The following POMC variants were observed in gnomAD, a reference collection of about 807,000 sequenced individuals.
POMC encodes the protein proopiomelanocortin.
Under a neutral mutation model 18.5 loss-of-function variants are expected in POMC, and 19 were observed. That is an observed-to-expected ratio of 1.03 (90% CI 0.72 to 1.51). The LOEUF (loss-of-function observed/expected upper bound fraction) is 1.51, where lower values mean the gene tolerates loss of function less well. POMC is among the 40% of genes most tolerant of loss of function. The probability of loss-of-function intolerance (pLI) is 0.00; values close to 1 mark genes in which losing one functional copy is unlikely to be tolerated. For synonymous variants in POMC, 179 were observed against 161.9 expected (o/e 1.11, Z -0.80); for missense variants, 451 against 379.0 (o/e 1.19, Z -1.58).
chr2:25,162,332 C>T (rs1671421433), intron 2 of POMC, among the ~76,000 whole-genome samples: 1 of 152,096 alleles, frequency 6.6e-6, no homozygotes, highest in Non-Finnish European at 1.5e-5. Context: ...CGCCTGTAAT[C>T]CCAGCTACTC....
intron 2 of POMC, among the ~76,000 whole-genome samples, chr2:25,162,750 C>T (rs535108081): frequency 6.6e-6 from 1 of 152,282 alleles, no homozygotes; most frequent in Non-Finnish European, 1.5e-5. Flanking sequence ...AATAATGCCT[C>T]AACCTTACCT....
rs1356537219 is a variant in POMC at position 25,168,304 on chromosome 2, G to C, written c.-21+194C>G. On this transcript the variant is annotated intron_variant, in intron 1 of 2. Transcript: ENST00000395826. This position sits in a 1 kb window ranked among gnomAD's most constrained non-coding sequence, Gnocchi z 5.2. ...GCGGCCGTCCGCCCAGGGGCCGGAC[G>C]TGGGCCCTCCAGCTCAGCTACTGGC... Among the ~76,000 whole-genome samples, 1 of 152,224 alleles carries C rather than the reference G, an allele frequency of 6.6e-6. No individual in the cohort carries two copies. Among genetic ancestry groups the C allele is most frequent in the South Asian group, 2.1e-4 (1 of 4,830 alleles).
chr2:25,165,915 A>C (rs1671539177), intron 1 of POMC, among the ~76,000 whole-genome samples: 1 of 152,254 alleles, frequency 6.6e-6, no homozygotes, highest in African/African-American at 2.4e-5. Context: ...GCTAGAAAGA[A>C]ATGTAATTAG....
At position 25,161,169 on chromosome 2, in the gene POMC, C is replaced by T. The variant is rs1671338497; in HGVS notation, c.716G>A (p.Gly239Asp). 1.9e-6 allele frequency: 3 copies of T among 1,613,944 alleles called. No homozygotes were observed. The highest frequency in any genetic ancestry group is 2.5e-6 in the Non-Finnish European group (3 of 1,180,006). The change falls in exon 3 of 3, where the codon GGT becomes GAT. Residue 239 changes from glycine to aspartate, a missense_variant. Transcript: ENST00000395826. The surrounding 1 kb of genome is among the most constrained non-coding windows in gnomAD (Gnocchi z 5.7). ...GSPPKDKRYG[G>D]FMTSEKSQTP... ...CTGGCTCTTCTCGGAGGTCATGAAA[C>T]CGCCGTAGCGCTTGTCCTTGGGCGG...
chr2:25,166,172 G>C (rs151301263), intron 1 of POMC, among the ~76,000 whole-genome samples: 1 of 152,200 alleles, frequency 6.6e-6, no homozygotes, highest in Non-Finnish European at 1.5e-5. Context: ...GGGCCTGCAC[G>C]GTGCTAGCTT....
rs1671381733 is a variant in POMC, at chr2:25,161,609, G to GCCGCTGCTGCTC, written c.275_276insGAGCAGCAGCGG (p.Ser92delinsArgSerSerSerGly). ...CTGCGCCGCTGCTGCCGCTGCTGCT[G>GCCGCTGCTGCTC]CTGTTGCGGCGGCCGAATCGGTCCC... On this transcript the variant is annotated protein_altering_variant, in exon 3 of 3. Transcript: ENST00000395826. This position sits in a 1 kb window ranked among gnomAD's most constrained non-coding sequence, Gnocchi z 5.7. The GCCGCTGCTGCTC allele has an allele frequency of 6.4e-7, 1 of 1,555,688 alleles. No homozygotes were observed. The highest frequency in any genetic ancestry group is 1.4e-5 in the African/African-American group (1 of 73,252).
chr2:25,161,905 A>G lies in POMC; in HGVS notation c.133-153T>C, dbSNP rs924268445. On this transcript the variant is annotated intron_variant, in intron 2 of 2. Transcript: ENST00000395826. This position sits in a 1 kb window ranked among gnomAD's most constrained non-coding sequence, Gnocchi z 5.7. ...GCGTGTCAAGCGTCGAGGCCTCCCT[A>G]CAGAGCAGGTCTGCCCACCTGCTTT... 2.6e-5 allele frequency among the ~76,000 whole-genome samples: 4 copies of G among 152,150 alleles called. No individual in the cohort carries two copies. The highest frequency in any genetic ancestry group is 5.9e-5 in the Non-Finnish European group (4 of 68,014).
At position 25,161,570 on chromosome 2, in the gene POMC, C is replaced by T. The variant is rs1310617352; in HGVS notation, c.315G>A (p.Glu105=). ...SGSSGAGQKR[E]DVSAGEDCGP... ...CGCAGTCTTCGCCCGCTGAGACGTC[C>T]TCGCGCTTCTGCCCTGCGCCGCTGC... The change falls in exon 3 of 3, where the codon GAG becomes GAA. Residue 105 remains glutamate (E), a synonymous_variant. Coordinates refer to ENST00000395826, the MANE Select transcript of POMC (RefSeq NM_000939.4). This position sits in a 1 kb window ranked among gnomAD's most constrained non-coding sequence, Gnocchi z 5.7. The T allele has an allele frequency of 6.4e-7, 1 of 1,563,910 alleles. No individual in the cohort carries two copies. Among genetic ancestry groups the T allele is most frequent in the Non-Finnish European group, 8.7e-7 (1 of 1,154,602 alleles).
chr2:25,164,388 C>A (rs909828645), intron 2 of POMC, among the ~76,000 whole-genome samples: 9 of 152,122 alleles, frequency 5.9e-5, no homozygotes, highest in Admixed American at 2.6e-4. Flanking sequence ...TCAAGGTCTC[C>A]ATAAAAGATG....
In POMC at chr2:25,161,224, A is replaced by AG. The variant is rs1239841516; in HGVS notation, c.660dup (p.Tyr221LeufsTer94). 6.2e-7 allele frequency: 1 copy of AG among 1,612,254 alleles called. No homozygotes were observed. Among genetic ancestry groups the AG allele is most frequent in the Non-Finnish European group, 8.5e-7 (1 of 1,179,630 alleles). On this transcript the variant is annotated frameshift_variant, in exon 3 of 3. Coordinates refer to ENST00000395826, the MANE Select transcript of POMC (RefSeq NM_000939.4). LOFTEE classifies it high-confidence loss of function. This position sits in a 1 kb window ranked among gnomAD's most constrained non-coding sequence, Gnocchi z 5.7. ...CCCCAGCGGAAGTGCTCCATCCTGT[A>AG]GGGGCCCTCGTCCTTCTTCTCGGCC...
Position 25,168,293 on chromosome 2 carries a change from A to AGGGGCCGGACGT in POMC, c.-21+193_-21+204dup, listed in dbSNP as rs1432040931. Among the ~76,000 whole-genome samples, 5 of 152,094 alleles carry AGGGGCCGGACGT rather than the reference A, an allele frequency of 3.3e-5. No individual in the cohort carries two copies. The highest frequency in any genetic ancestry group is 7.4e-5 in the Non-Finnish European group (5 of 68,002). Reference sequence around the variant, plus strand: ...CCTGCAGCTTCGCGGCCGTCCGCCCAGGGGCCGGACGTGGGCCCTCCAGCT... The same window carrying AGGGGCCGGACGT: ...CCTGCAGCTTCGCGGCCGTCCGCCCAGGGGCCGGACGTGGGGCCGGACGTGGGCCCTCCAGCT... On this transcript the variant is annotated intron_variant, in intron 1 of 2. Coordinates refer to ENST00000395826, the MANE Select transcript of POMC (RefSeq NM_000939.4). The surrounding 1 kb of genome is among the most constrained non-coding windows in gnomAD (Gnocchi z 5.2).
chr2:25,161,472 G>C lies in POMC; in HGVS notation c.413C>G (p.Ser138Cys). The change falls in exon 3 of 3, where the codon TCC becomes TGC. Residue 138 changes from serine (S) to cysteine (C), a missense_variant. Ser to Cys is a moderately radical substitution (Grantham distance 112). Coordinates refer to ENST00000395826, the MANE Select transcript of POMC (RefSeq NM_000939.4). This position sits in a 1 kb window ranked among gnomAD's most constrained non-coding sequence, Gnocchi z 5.7. Reference protein sequence around the residue: ...AKPGPREGKRSYSMEHFRWGK... With the variant: ...AKPGPREGKRCYSMEHFRWGK... ...CCAGCGGAAGTGCTCCATGGAGTAGGAGCGCTTGCCCTCGCGCGGGCCCGG... is the reference window on the plus strand; with the variant it reads ...CCAGCGGAAGTGCTCCATGGAGTAGCAGCGCTTGCCCTCGCGCGGGCCCGG... The C allele has an allele frequency of 6.2e-7, 1 of 1,608,732 alleles. No homozygotes were observed. Among genetic ancestry groups the C allele is most frequent in the South Asian group, 1.1e-5 (1 of 90,384 alleles).
Position 25,161,611 on chromosome 2 carries a change from T to C in POMC, c.274A>G (p.Ser92Gly), listed in dbSNP as rs1197211855. The change falls in exon 3 of 3, where the codon AGC becomes GGC. Residue 92 changes from serine (S) to glycine (G), a missense_variant. Ser to Gly is a moderately conservative substitution (Grantham distance 56). Transcript: ENST00000395826. This position sits in a 1 kb window ranked among gnomAD's most constrained non-coding sequence, Gnocchi z 5.7. ...FRWDRFGRRN[S>G]SSSGSSGAGQ... ...GCGCCGCTGCTGCCGCTGCTGCTGC[T>C]GTTGCGGCGGCCGAATCGGTCCCAG... is the stretch of plus-strand genomic sequence containing the variant. 1 of 1,555,656 alleles carries C rather than the reference T, an allele frequency of 6.4e-7. No individual in the cohort carries two copies. Among genetic ancestry groups the C allele is most frequent in the Non-Finnish European group, 8.7e-7 (1 of 1,149,794 alleles).
chr2:25,165,426 A>G (rs1671521188), intron 1 of POMC, among the ~76,000 whole-genome samples: 1 of 152,178 alleles, frequency 6.6e-6, no homozygotes, highest in Non-Finnish European at 1.5e-5. Context: ...CCTGCACACA[A>G]ATTACTCTGG....
intron 2 of POMC, among the ~76,000 whole-genome samples, chr2:25,164,128 G>A (rs760596461): frequency 1.3e-5 from 2 of 149,714 alleles, no homozygotes; most frequent in Non-Finnish European, 3.0e-5. Flanking sequence ...ATAAACATGA[G>A]ACATTTGGCA....
Position 25,161,369 on chromosome 2 carries a change from G to T in POMC, c.516C>A (p.Phe172Leu), listed in dbSNP as rs770388153. The T allele has an allele frequency of 5.6e-6, 9 of 1,605,968 alleles. No homozygotes were observed. The highest frequency in any genetic ancestry group is 6.8e-6 in the Non-Finnish European group (8 of 1,176,670). Residue 172 changes from phenylalanine (F) to leucine (L), a missense_variant, in exon 3 of 3, where the codon TTC becomes TTA. Transcript: ENST00000395826. The surrounding 1 kb of genome is among the most constrained non-coding windows in gnomAD (Gnocchi z 5.7). Reference sequence around the variant, plus strand: ...TCAGCTCCCTCTTGAACTCCAGGGGGAAGGCCTCGGCCGACTCGTCCTCGG... The same window carrying T: ...TCAGCTCCCTCTTGAACTCCAGGGGTAAGGCCTCGGCCGACTCGTCCTCGG... ...NGAEDESAEA[F>L]PLEFKRELTG...
intron 2 of POMC, among the ~76,000 whole-genome samples, chr2:25,163,626 T>G (rs1034384977): frequency 1.3e-5 from 2 of 152,178 alleles, no homozygotes; most frequent in African/African-American, 4.8e-5. Context: ...GGGGTTTGTT[T>G]GTTTGTTTGT....
chr2:25,161,828 C>T lies in POMC; in HGVS notation c.133-76G>A. 1 of 1,491,182 alleles carries T rather than the reference C, an allele frequency of 6.7e-7. No homozygotes were observed. Among genetic ancestry groups the T allele is most frequent in the Non-Finnish European group, 8.9e-7 (1 of 1,125,118 alleles). The allele number at this position is 1,491,182 out of a possible 1,614,324, so 92.4% of individuals were successfully genotyped here. A position where few individuals can be genotyped will look rare whatever the true frequency, so the allele number is the denominator to read the frequency against. On this transcript the variant is annotated intron_variant, in intron 2 of 2. Coordinates refer to ENST00000395826, the MANE Select transcript of POMC (RefSeq NM_000939.4). This position sits in a 1 kb window ranked among gnomAD's most constrained non-coding sequence, Gnocchi z 5.7. ...CCGGCTGCCGCGCCCGTCACTGCGC[C>T]TAGGCCCTGGCCGCCCTCGCCACGT...
chr2:25,161,611 T>TGCTGCC lies in POMC; in HGVS notation c.273_274insGGCAGC (p.Asn91_Ser92insGlySer), dbSNP rs1381672936. On this transcript the variant is annotated inframe_insertion, in exon 3 of 3. Transcript: ENST00000395826. The surrounding 1 kb of genome is among the most constrained non-coding windows in gnomAD (Gnocchi z 5.7). ...GCGCCGCTGCTGCCGCTGCTGCTGC[T>TGCTGCC]GTTGCGGCGGCCGAATCGGTCCCAG... The TGCTGCC allele has an allele frequency of 2.6e-6, 4 of 1,555,542 alleles. No individual in the cohort carries two copies. The African/African-American group carries it at 5.5e-5, about 21-fold the overall frequency.
Sources: gnomAD v4.1 joint callset for allele counts (sites outside exome capture counted in the v4.1 genomes callset) on GRCh38, gnomAD v4.1.1 for gene constraint, Gnocchi (gnomAD v3.1) non-coding constraint, MANE v1.5 for transcripts, NCBI Gene and HGNC (gene_info 2026-07-23, HGNC 2026-07-21) for gene names.